EYS: variants seen among roughly 807,000 people sequenced by gnomAD.
EYS encodes protein eyes shut homolog.
In EYS, 250 loss-of-function variants were observed where a neutral mutation model predicts 282.1. The ratio of observed to expected loss-of-function variants is 0.89; its 90% CI spans 0.80 to 0.98. The LOEUF (loss-of-function observed/expected upper bound fraction) is 0.98, where lower values mean the gene tolerates loss of function less well. EYS is among the 50% of genes least tolerant of loss of function. EYS has a pLI of 0.00. For missense variants in EYS, 4,016 were observed against 3,709.0 expected, an observed-to-expected ratio of 1.08 and a Z score of -2.15; for synonymous variants, 1,355 against 1,282.9, an observed-to-expected ratio of 1.06 and a Z score of -1.20.
chr6:64,897,757 A>G lies in EYS; in HGVS notation c.2846+4356T>C, dbSNP rs557165032. On this transcript the variant is annotated intron_variant, in intron 18 of 42. Coordinates refer to ENST00000503581, the MANE Select transcript of EYS (RefSeq NM_001142800.2). ...TAGAATAACCAGTTTAGAGAAGAAC[A>G]TAAATGACCTGATGGAGCTGAAAGC... Among the ~76,000 whole-genome samples, 3 of 152,342 alleles carry G rather than the reference A, an allele frequency of 2.0e-5. No individual in the cohort carries two copies. The South Asian group carries it at 6.2e-4, about 32-fold the overall frequency.
intron 41 of EYS, among the ~76,000 whole-genome samples, chr6:63,728,953 T>C (rs1768710092): frequency 6.6e-6 from 1 of 152,172 alleles, no homozygotes; most frequent in African/African-American, 2.4e-5. Context: ...TTACCAGTAA[T>C]GAATGAGAGT....
At chr6:64,880,372 T>A (rs1319454743) in intron 19 of EYS, among the ~76,000 whole-genome samples, 1 of 151,910 alleles carries the variant, frequency 6.6e-6, no homozygotes, top group African/African-American at 2.4e-5. Flanking sequence ...CATAGACATA[T>A]CAAAGCTTCT....
At chr6:65,442,807 C>G (rs1768393946) in intron 5 of EYS, among the ~76,000 whole-genome samples, 1 of 128,566 alleles carries the variant, frequency 7.8e-6, no homozygotes, top group African/African-American at 2.5e-5. Flanking sequence ...GACACACACA[C>G]ATGCATATGT....
At chr6:63,874,648 G>A (rs908465347) in intron 35 of EYS, among the ~76,000 whole-genome samples, 1 of 148,524 alleles carries the variant, frequency 6.7e-6, no homozygotes, top group African/African-American at 2.4e-5. Flanking sequence ...TTCTTCCATT[G>A]AGCAGTGGTT....
chr6:64,302,080 C>T lies in EYS; in HGVS notation c.6191+4890G>A, dbSNP rs951321020. Reference sequence around the variant, plus strand: ...CTTCACCAATTGCTAAATCAACGTACACATCCTATTTTTATTACACACATT... The same window carrying T: ...CTTCACCAATTGCTAAATCAACGTATACATCCTATTTTTATTACACACATT... On this transcript the variant is annotated intron_variant, in intron 30 of 42. Transcript: ENST00000503581. Among the ~76,000 whole-genome samples, 18 of 152,192 alleles carry T rather than the reference C, an allele frequency of 1.2e-4. 1 individual carries two copies. Among genetic ancestry groups the T allele is most frequent in the Admixed American group, 1.1e-3 (17 of 15,282 alleles).
intron 12 of EYS, among the ~76,000 whole-genome samples, chr6:65,287,606 A>C (rs779593828): frequency 1.3e-5 from 2 of 151,308 alleles, no homozygotes; most frequent in Non-Finnish European, 3.0e-5. Flanking sequence ...AGTTTGGGAG[A>C]AACCAATTTA....
chr6:65,149,099 C>G (rs1302097130), intron 12 of EYS, among the ~76,000 whole-genome samples: 1 of 152,096 alleles, frequency 6.6e-6, no homozygotes, highest in Non-Finnish European at 1.5e-5. Context: ...TCCCCATTAT[C>G]CTGGTGATTA....
intron 35 of EYS, among the ~76,000 whole-genome samples, chr6:63,965,873 A>C (rs1324554712): frequency 6.6e-6 from 1 of 152,222 alleles, no homozygotes; most frequent in East Asian, 1.9e-4. Flanking sequence ...GAAAAGAATC[A>C]TGGGCATTTT....
At chr6:65,202,764 T>C (rs1765934678) in intron 12 of EYS, among the ~76,000 whole-genome samples, 1 of 152,100 alleles carries the variant, frequency 6.6e-6, no homozygotes, top group Admixed American at 6.5e-5. Flanking sequence ...CAAATGGTTT[T>C]GGGTCAGACT....
chr6:64,548,696 G>A (rs989972452), intron 26 of EYS, among the ~76,000 whole-genome samples: 6 of 152,122 alleles, frequency 3.9e-5, no homozygotes, highest in Non-Finnish European at 8.8e-5. Flanking sequence ...GGGGAGGGGG[G>A]AGGAGTAGCA....
chr6:65,307,940 G>A (rs2150296429), intron 11 of EYS, among the ~76,000 whole-genome samples: 1 of 150,216 alleles, frequency 6.7e-6, no homozygotes, highest in South Asian at 2.1e-4. Context: ...GTATAAGTGT[G>A]TTTATTGAAT....
At chr6:63,944,159 C>T (rs1025210349) in intron 35 of EYS, among the ~76,000 whole-genome samples, 52 of 152,052 alleles carry the variant, frequency 3.4e-4, no homozygotes, top group African/African-American at 1.1e-3. Context: ...GGTTTCTGTC[C>T]CTCACAGCCA....
At chr6:64,567,257 T>C (rs1422426979) in intron 26 of EYS, among the ~76,000 whole-genome samples, 3 of 152,180 alleles carry the variant, frequency 2.0e-5, no homozygotes, top group East Asian at 1.9e-4. Context: ...AAATTTAGTA[T>C]AATACATTTT....
chr6:65,237,755 T>C (rs1162658066), intron 12 of EYS, among the ~76,000 whole-genome samples: 3 of 152,174 alleles, frequency 2.0e-5, no homozygotes, highest in African/African-American at 7.2e-5. Context: ...TTAGGACCCA[T>C]TGCTAACATT....
At chr6:64,413,505 A>G (rs1773970166) in intron 28 of EYS, among the ~76,000 whole-genome samples, 1 of 149,016 alleles carries the variant, frequency 6.7e-6, no homozygotes, top group Non-Finnish European at 1.5e-5. Flanking sequence ...CAGGGAGAAA[A>G]CAGAAGGCTA....
intron 31 of EYS, among the ~76,000 whole-genome samples, chr6:64,151,673 T>A (rs1396977573): frequency 6.6e-6 from 1 of 151,940 alleles, no homozygotes; most frequent in East Asian, 1.9e-4. Context: ...ACATGTATAT[T>A]TAAATAAGTA....
chr6:65,537,894 C>T (rs1349580157), intron 2 of EYS, among the ~76,000 whole-genome samples: 1 of 152,142 alleles, frequency 6.6e-6, no homozygotes, highest in Non-Finnish European at 1.5e-5. Flanking sequence ...AGTGCTGATG[C>T]TGAGAGGATT....
At chr6:63,958,801 G>A (rs1029940132) in intron 35 of EYS, among the ~76,000 whole-genome samples, 5 of 152,104 alleles carry the variant, frequency 3.3e-5, no homozygotes, top group African/African-American at 7.2e-5. Flanking sequence ...CAGCAAAAAA[G>A]CCTGGATTAC....
At chr6:65,295,627 C>T (rs11963421) in intron 12 of EYS, 112,510 of 512,514 alleles carry the variant, frequency 0.22, 14,123 homozygotes, top group Non-Finnish European at 0.26. Flanking sequence ...AATGCTTCAG[C>T]CTGACCTTAT....
Sources: gnomAD v4.1 joint callset for allele counts (sites outside exome capture counted in the v4.1 genomes callset) on GRCh38, gnomAD v4.1.1 for gene constraint, MANE v1.5 for transcripts, NCBI Gene and HGNC (gene_info 2026-07-23, HGNC 2026-07-21) for gene names.